Variants in MTHFD2L observed in about 807,000 individuals in gnomAD.
MTHFD2L encodes the protein methylenetetrahydrofolate dehydrogenase (NADP+ dependent) 2 like, also known as bifunctional methylenetetrahydrofolate dehydrogenase/cyclohydrolase 2, mitochondrial.
A neutral mutation model predicts 34.9 loss-of-function variants in MTHFD2L; 29 were observed. That is an observed-to-expected ratio of 0.83 (90% CI 0.62 to 1.13). The LOEUF (loss-of-function observed/expected upper bound fraction) is 1.13. MTHFD2L is among the 50% of genes most tolerant of loss of function. MTHFD2L has a pLI of 0.00. For synonymous variants in MTHFD2L, 167 were observed against 155.7 expected (o/e 1.07, Z -0.54); for missense variants, 481 against 446.5 (o/e 1.08, Z -0.70).
intron 5 of MTHFD2L, among the ~76,000 whole-genome samples, chr4:74,206,413 A>G (rs1441902709): frequency 6.6e-6 from 1 of 152,050 alleles, no homozygotes; most frequent in African/African-American, 2.4e-5. Context: ...CTCCAGACTT[A>G]GTCTGTCTGT....
At chr4:74,296,791 A>G (rs1247207584) in intron 7 of MTHFD2L, among the ~76,000 whole-genome samples, 2 of 152,098 alleles carry the variant, frequency 1.3e-5, no homozygotes, top group Non-Finnish European at 2.9e-5. Flanking sequence ...AGATTCCACT[A>G]TGCTCTATGA....
chr4:74,136,206 C>A (rs1425690985), intron 1 of MTHFD2L, among the ~76,000 whole-genome samples: 2 of 151,808 alleles, frequency 1.3e-5, no homozygotes, highest in African/African-American at 2.4e-5. Flanking sequence ...TAGCTTTGTT[C>A]ATCTTATATG....
At chr4:74,257,385 C>T (rs1744159380) in intron 6 of MTHFD2L, among the ~76,000 whole-genome samples, 1 of 152,082 alleles carries the variant, frequency 6.6e-6, no homozygotes, top group Non-Finnish European at 1.5e-5. Context: ...CTACAGGTGA[C>T]TCGCTTTATC....
intron 1 of MTHFD2L, among the ~76,000 whole-genome samples, chr4:74,144,474 A>C (rs1723468297): frequency 6.6e-6 from 1 of 152,082 alleles, no homozygotes; most frequent in South Asian, 2.1e-4. Context: ...ACAAAAAAAC[A>C]AGCTAACAAA....
rs1255966950 is a variant in MTHFD2L, at chr4:74,131,441, A to G, written c.-297+5924A>G. ...TCAGAAATAACACCACTCATCTACA[A>G]CCATCTGATCTTTGACAAACGATAA... is the stretch of plus-strand genomic sequence containing the variant. On this transcript the variant is annotated intron_variant, in intron 1 of 7. Coordinates refer to the MTHFD2L transcript ENST00000433372. Among the ~76,000 whole-genome samples, 3 of 152,278 alleles carry G rather than the reference A, an allele frequency of 2.0e-5. No individual in the cohort carries two copies. In the East Asian group the frequency reaches 5.8e-4, roughly 29 times the overall value.
intron 1 of MTHFD2L, among the ~76,000 whole-genome samples, chr4:74,137,366 T>C (rs1297059569): frequency 6.6e-6 from 1 of 152,134 alleles, no homozygotes; most frequent in Non-Finnish European, 1.5e-5. Context: ...ATTAAAGTAA[T>C]GCTCAACAGT....
At chr4:74,191,662 T>G (rs1176443587) in intron 3 of MTHFD2L, among the ~76,000 whole-genome samples, 1 of 152,140 alleles carries the variant, frequency 6.6e-6, no homozygotes, top group African/African-American at 2.4e-5. Context: ...GCAGTTCTCC[T>G]GCCTCAGCCT....
At position 74,264,580 on chromosome 4, in the gene MTHFD2L, TAGTA is replaced by T. The variant is rs528014973; in HGVS notation, c.806-16842_806-16839del. Among the ~76,000 whole-genome samples the T allele has an allele frequency of 3.7e-3, 567 of 152,094 alleles. 5 individuals are homozygous for T. The highest frequency in any genetic ancestry group is 6.2e-3 in the Non-Finnish European group (418 of 67,950). ...TAGAGTGTTAGAATATATATCCACT[TAGTA>T]AGAGATAAGAATGAGGATTAAGTTT... On this transcript the variant is annotated intron_variant, in intron 6 of 7. Transcript: ENST00000325278.
intron 1 of MTHFD2L, among the ~76,000 whole-genome samples, chr4:74,169,612 A>G (rs1378910061): frequency 6.6e-6 from 1 of 152,200 alleles, no homozygotes; most frequent in East Asian, 1.9e-4. Flanking sequence ...CCCCAAGAAA[A>G]TATTGCTGAC....
chr4:74,267,383 CTTTCTTTCT>C (rs1183232567), intron 6 of MTHFD2L: 4 of 391,478 alleles, frequency 1.0e-5, no homozygotes, highest in African/African-American at 9.8e-5. Flanking sequence ...TTCTTTCTTT[CTTTCTTTCT>C]TTTCTTTCTT....
intron 6 of MTHFD2L, among the ~76,000 whole-genome samples, chr4:74,265,478 G>T (rs527864129): frequency 3.3e-5 from 5 of 152,274 alleles, no homozygotes; most frequent in Admixed American, 3.3e-4. Flanking sequence ...TGATATTTTT[G>T]ATGTGCCAGG....
At chr4:74,268,164 G>A in intron 6 of MTHFD2L, 1 of 983,442 alleles carries the variant, frequency 1.0e-6, no homozygotes, top group East Asian at 1.1e-4. Context: ...GAGGATACCT[G>A]GGAGAAGACA....
At chr4:74,160,472 G>C (rs1436154892) in intron 1 of MTHFD2L, 2 of 156,066 alleles carry the variant, frequency 1.3e-5, no homozygotes, top group Non-Finnish European at 2.8e-5. Flanking sequence ...ATGGAGTTTG[G>C]AAGTTACCGT....
chr4:74,270,776 C>G (rs1028565943), intron 6 of MTHFD2L, among the ~76,000 whole-genome samples: 2 of 152,194 alleles, frequency 1.3e-5, no homozygotes, highest in African/African-American at 4.8e-5. Context: ...AACTAGTTTA[C>G]AGTCCCACCA....
At chr4:74,293,413 C>T in intron 7 of MTHFD2L, 1 of 498,202 alleles carries the variant, frequency 2.0e-6, no homozygotes, top group Non-Finnish European at 2.6e-6. Flanking sequence ...AGCCACCCTA[C>T]AAATACAAAT....
intron 3 of MTHFD2L, among the ~76,000 whole-genome samples, chr4:74,189,816 T>G (rs184861434): frequency 6.6e-6 from 1 of 152,226 alleles, no homozygotes; most frequent in East Asian, 1.9e-4. Context: ...CCTCATCTGT[T>G]TTTGAGTGTA....
chr4:74,145,334 A>G (rs1723530115), intron 1 of MTHFD2L, among the ~76,000 whole-genome samples: 1 of 152,216 alleles, frequency 6.6e-6, no homozygotes, highest in Non-Finnish European at 1.5e-5. Context: ...TAATCTAGAG[A>G]TGATTTAAAA....
chr4:74,274,761 A>T (rs77132463), intron 6 of MTHFD2L, among the ~76,000 whole-genome samples: 1 of 152,282 alleles, frequency 6.6e-6, no homozygotes, highest in African/African-American at 2.4e-5. Flanking sequence ...ATGTTCAGTG[A>T]GGTCACATTA....
At chr4:74,296,407 G>A (rs2110325785) in intron 7 of MTHFD2L, among the ~76,000 whole-genome samples, 1 of 152,224 alleles carries the variant, frequency 6.6e-6, no homozygotes, top group Non-Finnish European at 1.5e-5. Flanking sequence ...GTCCCCATGT[G>A]TACATCCCCT....
Sources: allele counts gnomAD v4.1 joint callset (sites outside exome capture counted in the v4.1 genomes callset), GRCh38; gene constraint gnomAD v4.1.1; transcripts MANE v1.5; gene names NCBI Gene and HGNC (gene_info 2026-07-23, HGNC 2026-07-21).